ABCC8: variants seen among roughly 807,000 people sequenced by gnomAD.
The protein encoded by ABCC8 is ATP-binding cassette sub-family C member 8.
In ABCC8, 137 loss-of-function variants were observed where a neutral mutation model predicts 188.0. The observed-to-expected ratio is 0.73, with a 90% CI of 0.63 to 0.84. ABCC8 has a LOEUF of 0.84. Ranked by LOEUF, ABCC8 falls within the 40% of genes least tolerant of loss-of-function variation. ABCC8 has a pLI of 0.00. For synonymous variants in ABCC8, 797 were observed against 846.5 expected, an observed-to-expected ratio of 0.94 and a Z score of 1.01; for missense variants, 1,750 against 2,072.7, an observed-to-expected ratio of 0.84 and a Z score of 3.02.
At chr11:17,444,751 T>C (rs1240324073) in intron 8 of ABCC8, among the ~76,000 whole-genome samples, 1 of 152,306 alleles carries the variant, frequency 6.6e-6, no homozygotes, top group Non-Finnish European at 1.5e-5. Flanking sequence ...GACATAGTCT[T>C]TGGAGTCTGT....
chr11:17,420,885 AAG>A (rs776885994), intron 16 of ABCC8, among the ~76,000 whole-genome samples: 18 of 152,360 alleles, frequency 1.2e-4, no homozygotes, highest in Non-Finnish European at 2.4e-4. Flanking sequence ...TTAAGGATTA[AAG>A]AGAGAGTTTG....
At chr11:17,397,653 C>G in intron 31 of ABCC8, 31 bp downstream of exon 31, 1 of 1,605,080 alleles carries the variant, frequency 6.2e-7, no homozygotes, top group Non-Finnish European at 8.5e-7. Flanking sequence ...GGTGTCTGAC[C>G]CCTCCTCTGC....
intron 31 of ABCC8, 144 bp downstream of exon 31, chr11:17,397,540 C>A: frequency 1.4e-6 from 2 of 1,425,320 alleles, no homozygotes; most frequent in Non-Finnish European, 1.9e-6. Flanking sequence ...TGCTGGTCAG[C>A]CTTCCTGCCC....
chr11:17,402,600 G>A (rs1954300338), intron 29 of ABCC8, 61 bp downstream of exon 29: 2 of 1,613,862 alleles, frequency 1.2e-6, no homozygotes, highest in Non-Finnish European at 1.7e-6. Context: ...AAATCTCATG[G>A]CCTGTGCCCC....
At position 17,463,464 on chromosome 11, in the gene ABCC8, C is replaced by T. The variant is rs747129513; in HGVS notation, c.553G>A (p.Val185Met). The T allele has an allele frequency of 9.3e-6, 15 of 1,605,930 alleles. No individual in the cohort carries two copies. Among genetic ancestry groups the T allele is most frequent in the South Asian group, 3.4e-5 (3 of 88,988 alleles). The change falls in exon 4 of 39, where the codon GTG becomes ATG. Residue 185 changes from valine (V) to methionine (M), a missense_variant. Val to Met is a conservative substitution (Grantham distance 21, BLOSUM62 1). Transcript: ENST00000389817. ...CTCACCCTGATGACATTGACCTCCA[C>T]GAGGAGCAGCATCCCATAGAGGATC... ...LVILYGMLLL[V>M]EVNVIRVRRY...
intron 6 of ABCC8, among the ~76,000 whole-genome samples, chr11:17,456,005 G>A (rs1956981580): frequency 6.6e-6 from 1 of 151,562 alleles, no homozygotes; most frequent in Admixed American, 6.6e-5. Flanking sequence ...GCTGCCCAAG[G>A]AAGGCAGGCC....
chr11:17,440,517 C>T (rs899155424), intron 10 of ABCC8, among the ~76,000 whole-genome samples: 1 of 152,118 alleles, frequency 6.6e-6, no homozygotes. Context: ...GCTCTGAGAA[C>T]CACAGGGTCA....
At chr11:17,424,663 C>G (rs1176773117) in intron 16 of ABCC8, among the ~76,000 whole-genome samples, 1 of 152,180 alleles carries the variant, frequency 6.6e-6, no homozygotes, top group African/African-American at 2.4e-5. Context: ...AGGGGCAGCT[C>G]CAGTGTCTGA....
intron 16 of ABCC8, among the ~76,000 whole-genome samples, chr11:17,423,375 A>AAAAAAAAAAAC (rs1955438742): frequency 1.3e-5 from 2 of 151,140 alleles, no homozygotes; most frequent in African/African-American, 2.4e-5. Flanking sequence ...AAAAAAAAAA[A>AAAAAAAAAAAC]AAAAGCAGGG....
intron 10 of ABCC8, among the ~76,000 whole-genome samples, chr11:17,440,549 G>A (rs913098829): frequency 2.0e-5 from 3 of 152,340 alleles, no homozygotes; most frequent in African/African-American, 2.4e-5. Context: ...AACGGGGAGA[G>A]ACCAGGAACT....
intron 16 of ABCC8, among the ~76,000 whole-genome samples, chr11:17,425,255 A>G (rs1331700563): frequency 1.3e-5 from 2 of 148,872 alleles, no homozygotes; most frequent in Non-Finnish European, 3.0e-5. Flanking sequence ...TGGGAAACCC[A>G]AGGGGCTCAT....
chr11:17,430,637 G>C, intron 12 of ABCC8, 177 bp downstream of exon 12: 3 of 773,194 alleles, frequency 3.9e-6, no homozygotes, highest in Non-Finnish European at 6.9e-6. Flanking sequence ...GGGATGGCGA[G>C]CTGGGAAACC....
At chr11:17,398,223 C>T in intron 30 of ABCC8, 116 bp downstream of exon 30, 2 of 1,368,944 alleles carry the variant, frequency 1.5e-6, no homozygotes, top group South Asian at 1.3e-5. Context: ...AGCAGGAAGG[C>T]TTGGTGTCCA....
At chr11:17,403,034 G>C (rs1291486925) in intron 28 of ABCC8, among the ~76,000 whole-genome samples, 1 of 152,246 alleles carries the variant, frequency 6.6e-6, no homozygotes, top group African/African-American at 2.4e-5. Flanking sequence ...ATCTGTCCCT[G>C]TACTTCTGCT....
In ABCC8 at chr11:17,395,871, G is replaced by A; in HGVS notation, c.4179C>T (p.Arg1393=). The part of the protein sequence containing the change: ...GKSSFSLAFF[R]MVDTFEGHII... ...ACTCACCTTCGAACGTGTCCACCATGCGGAAGAAGGCAAGAGAGAAGGAGG... is the reference window on the plus strand; with the variant it reads ...ACTCACCTTCGAACGTGTCCACCATACGGAAGAAGGCAAGAGAGAAGGAGG... The change falls in exon 34 of 39, where the codon CGC becomes CGT. Residue 1393 remains arginine, a synonymous_variant. Transcript: ENST00000389817. The A allele has an allele frequency of 6.3e-7, 1 of 1,587,182 alleles. No homozygotes were observed. Among genetic ancestry groups the A allele is most frequent in the Non-Finnish European group, 8.6e-7 (1 of 1,165,842 alleles).
rs761663288 is a variant in ABCC8, at chr11:17,394,247, G to C, written c.4545+19C>G. On this transcript the variant is annotated intron_variant, in intron 37 of 38. Coordinates refer to ENST00000389817, the MANE Select transcript of ABCC8 (RefSeq NM_000352.6). ...ACCCTTTCCAAGACCATGGTCCCATGGAGGGGCCCAGGACCAACCGTGGCC... is the reference window on the plus strand; with the variant it reads ...ACCCTTTCCAAGACCATGGTCCCATCGAGGGGCCCAGGACCAACCGTGGCC... 1.3e-5 allele frequency: 21 copies of C among 1,612,424 alleles called. No homozygotes were observed. Among genetic ancestry groups the C allele is most frequent in the Non-Finnish European group, 1.8e-5 (21 of 1,178,996 alleles).
intron 7 of ABCC8, among the ~76,000 whole-genome samples, chr11:17,451,432 G>A (rs1284446966): frequency 3.3e-5 from 5 of 152,346 alleles, no homozygotes; most frequent in South Asian, 2.1e-4. Flanking sequence ...CACTGGGGAT[G>A]GGCAGGGTTG....
intron 8 of ABCC8, among the ~76,000 whole-genome samples, chr11:17,444,931 A>C (rs1304587508): frequency 6.6e-6 from 1 of 152,238 alleles, no homozygotes; most frequent in Non-Finnish European, 1.5e-5. Flanking sequence ...CTTTATGATA[A>C]GCACCTAGAA....
At chr11:17,415,206 G>C (rs1163285214) in intron 18 of ABCC8, 98 bp downstream of exon 18, 1 of 1,514,214 alleles carries the variant, frequency 6.6e-7, no homozygotes, top group African/African-American at 1.4e-5. Flanking sequence ...TGGGGCTGGG[G>C]TCTGGGGGCT....
Sources: gnomAD v4.1 joint callset for allele counts (sites outside exome capture counted in the v4.1 genomes callset) on GRCh38, gnomAD v4.1.1 for gene constraint, MANE v1.5 for transcripts, NCBI Gene and HGNC (gene_info 2026-07-23, HGNC 2026-07-21) for gene names.